Variants in PARD3B observed in about 807,000 individuals in gnomAD.
PARD3B encodes the protein partitioning defective 3 homolog B.
Under a neutral mutation model 130.2 loss-of-function variants are expected in PARD3B, and 103 were observed. The ratio of observed to expected loss-of-function variants is 0.79; its 90% CI spans 0.67 to 0.93. The LOEUF (loss-of-function observed/expected upper bound fraction) is 0.93. PARD3B is among the 40% of genes least tolerant of loss of function. The probability of loss-of-function intolerance (pLI) is 0.00; values close to 1 mark genes in which losing one functional copy is unlikely to be tolerated. For synonymous variants in PARD3B, 583 were observed against 553.2 expected (o/e 1.05, Z -0.76); for missense variants, 1,609 against 1,499.2 (o/e 1.07, Z -1.21).
At chr2:204,624,740 A>G (rs1361294182) in intron 1 of PARD3B, among the ~76,000 whole-genome samples, 2 of 152,158 alleles carry the variant, frequency 1.3e-5, no homozygotes, top group Non-Finnish European at 2.9e-5. Context: ...TTTCTCTGAG[A>G]TAAAGGCCCA....
intron 4 of PARD3B, among the ~76,000 whole-genome samples, chr2:205,094,554 C>T (rs13034258): frequency 0.063 from 9,548 of 151,966 alleles, 799 homozygotes; most frequent in Admixed American, 0.24. Flanking sequence ...AGCACACATA[C>T]GAATAAGTGT....
intron 2 of PARD3B, among the ~76,000 whole-genome samples, chr2:204,862,393 G>A (rs1266701103): frequency 6.6e-6 from 1 of 152,132 alleles, no homozygotes; most frequent in Non-Finnish European, 1.5e-5. Flanking sequence ...CTTTTCCTGT[G>A]ATTCCAGGGC....
In PARD3B at chr2:204,838,349, A is replaced by ATGTGTG. The variant is rs55688873; in HGVS notation, c.223-126767_223-126762dup. Reference sequence around the variant, plus strand: ...AGGCACCCGCCACCATACCTGGCTAATGTGTGTGTGTGTGTGTGTGTGTGT... The same window carrying ATGTGTG: ...AGGCACCCGCCACCATACCTGGCTAATGTGTGTGTGTGTGTGTGTGTGTGTGTGTGT... On this transcript the variant is annotated intron_variant, in intron 2 of 22. Coordinates refer to ENST00000406610, the MANE Select transcript of PARD3B (RefSeq NM_001302769.2). Among the ~76,000 whole-genome samples, 781 of 135,420 alleles carry ATGTGTG rather than the reference A, an allele frequency of 5.8e-3. 3 individuals carry two copies. The highest frequency in any genetic ancestry group is 0.01 in the East Asian group (46 of 4,444). 88.8% of individuals were successfully genotyped at this position (135,420 alleles called of 152,430 possible).
intron 2 of PARD3B, among the ~76,000 whole-genome samples, chr2:204,961,191 A>G (rs1004385282): frequency 5.9e-5 from 9 of 152,158 alleles, no homozygotes; most frequent in Non-Finnish European, 1.2e-4. Context: ...GAGACAGGTG[A>G]TCCAATTCAT....
intron 1 of PARD3B, among the ~76,000 whole-genome samples, chr2:204,626,488 G>A (rs1190085206): frequency 6.6e-6 from 1 of 151,712 alleles, no homozygotes; most frequent in Non-Finnish European, 1.5e-5. Flanking sequence ...GAATTTAAAG[G>A]AAGTAGACAT....
chr2:205,202,787 G>A (rs2125828639), intron 15 of PARD3B, among the ~76,000 whole-genome samples: 1 of 152,262 alleles, frequency 6.6e-6, no homozygotes, highest in African/African-American at 2.4e-5. Context: ...AATAGTAGCA[G>A]TCATGGAGAG....
intron 1 of PARD3B, among the ~76,000 whole-genome samples, chr2:204,596,946 C>T (rs2033319357): frequency 6.7e-6 from 1 of 149,732 alleles, no homozygotes; most frequent in African/African-American, 2.5e-5. Context: ...CTCTATCTGT[C>T]TCTCTCTCTC....
Position 205,470,101 on chromosome 2 carries a change from C to T in PARD3B, c.3044+29429C>T, listed in dbSNP as rs2048773495. ...AATGTCTGTGTGCATCTTTCCTCAC[C>T]TACAGACACACAGGGTGGAACTAAG... On this transcript the variant is annotated intron_variant, in intron 20 of 22. Coordinates refer to ENST00000406610, the MANE Select transcript of PARD3B (RefSeq NM_001302769.2). This position sits in a 1 kb window ranked among gnomAD's most constrained non-coding sequence, Gnocchi z 4.8. 1.3e-5 allele frequency among the ~76,000 whole-genome samples: 2 copies of T among 152,186 alleles called. No homozygotes were observed. The highest frequency in any genetic ancestry group is 2.1e-4 in the South Asian group (1 of 4,824).
rs2051308821 is a variant in PARD3B, at chr2:205,525,767, G to A, written c.3180+25736G>A. Among the ~76,000 whole-genome samples the A allele has an allele frequency of 6.6e-6, 1 of 152,160 alleles. No homozygotes were observed. Among genetic ancestry groups the A allele is most frequent in the East Asian group, 1.9e-4 (1 of 5,190 alleles). On this transcript the variant is annotated intron_variant, in intron 21 of 22. Transcript: ENST00000406610. This position sits in a 1 kb window ranked among gnomAD's most constrained non-coding sequence, Gnocchi z 4.2. ...ATTTTGGTGACAAGTCCAGCTCAATGAGAATCTCGACAAAGGGCCTGACTC... is the reference window on the plus strand; with the variant it reads ...ATTTTGGTGACAAGTCCAGCTCAATAAGAATCTCGACAAAGGGCCTGACTC...
At chr2:205,181,823 A>T (rs2125776129) in intron 13 of PARD3B, among the ~76,000 whole-genome samples, 1 of 152,364 alleles carries the variant, frequency 6.6e-6, no homozygotes, top group South Asian at 2.1e-4. Flanking sequence ...ACAGGCATAG[A>T]TATATACGAA....
At chr2:205,067,199 T>A (rs1700447701) in intron 4 of PARD3B, among the ~76,000 whole-genome samples, 1 of 149,148 alleles carries the variant, frequency 6.7e-6, no homozygotes, top group Non-Finnish European at 1.5e-5. Context: ...TCTCACTCTG[T>A]CACTCAGACT....
At chr2:204,841,678 A>G (rs2044264278) in intron 2 of PARD3B, among the ~76,000 whole-genome samples, 1 of 151,984 alleles carries the variant, frequency 6.6e-6, no homozygotes, top group African/African-American at 2.4e-5. Flanking sequence ...TCTGTGGTTT[A>G]TTTTTCCCCA....
intron 22 of PARD3B, among the ~76,000 whole-genome samples, chr2:205,607,429 G>T (rs898931996): frequency 2.0e-5 from 3 of 152,190 alleles, no homozygotes; most frequent in African/African-American, 7.2e-5. Context: ...CTGTCTGTCT[G>T]CCTGGGCTTG....
intron 21 of PARD3B, among the ~76,000 whole-genome samples, chr2:205,543,360 A>T (rs1434586259): frequency 6.6e-6 from 1 of 152,248 alleles, no homozygotes; most frequent in African/African-American, 2.4e-5. Flanking sequence ...CAGCTATAAG[A>T]AATAAATATT....
At chr2:204,851,318 G>A (rs1365816264) in intron 2 of PARD3B, among the ~76,000 whole-genome samples, 2 of 152,114 alleles carry the variant, frequency 1.3e-5, no homozygotes, top group Non-Finnish European at 2.9e-5. Flanking sequence ...GGTGTGGTAA[G>A]CAGTAATCAT....
At chr2:204,896,953 A>T (rs2046661348) in intron 2 of PARD3B, among the ~76,000 whole-genome samples, 1 of 152,200 alleles carries the variant, frequency 6.6e-6, no homozygotes, top group Non-Finnish European at 1.5e-5. Flanking sequence ...AGTAAATTGC[A>T]TCTGTACAGC....
chr2:205,298,448 T>G (rs976730710), intron 16 of PARD3B, among the ~76,000 whole-genome samples: 1 of 151,920 alleles, frequency 6.6e-6, no homozygotes, highest in African/African-American at 2.4e-5. Context: ...ATCCTCAGTA[T>G]TTATGACTTG....
At chr2:204,683,530 G>T (rs781759573) in intron 1 of PARD3B, among the ~76,000 whole-genome samples, 1 of 152,162 alleles carries the variant, frequency 6.6e-6, no homozygotes, top group African/African-American at 2.4e-5. Context: ...TGCATATTTT[G>T]TATGTACATT....
At chr2:205,328,560 C>G (rs999985713) in intron 18 of PARD3B, among the ~76,000 whole-genome samples, 1 of 151,914 alleles carries the variant, frequency 6.6e-6, no homozygotes, top group African/African-American at 2.4e-5. Context: ...TCTAAATATT[C>G]AAAAATCAAA....
Sources: gnomAD v4.1 joint callset for allele counts (sites outside exome capture counted in the v4.1 genomes callset) on GRCh38, gnomAD v4.1.1 for gene constraint, Gnocchi (gnomAD v3.1) non-coding constraint, MANE v1.5 for transcripts, NCBI Gene and HGNC (gene_info 2026-07-23, HGNC 2026-07-21) for gene names.